Variants in CYP4X1 observed in about 807,000 individuals in gnomAD.
CYP4X1 encodes the protein cytochrome P450 4X1.
Under a neutral mutation model 57.9 loss-of-function variants are expected in CYP4X1, and 44 were observed. The ratio of observed to expected loss-of-function variants is 0.76; its 90% CI spans 0.60 to 0.98. CYP4X1 has a LOEUF of 0.98. Ranked by LOEUF, CYP4X1 falls within the 50% of genes least tolerant of loss-of-function variation. The pLI is 0.00. For missense variants in CYP4X1, 532 were observed against 623.9 expected, an observed-to-expected ratio of 0.85 and a Z score of 1.57; for synonymous variants, 227 against 228.6, an observed-to-expected ratio of 0.99 and a Z score of 0.06.
intron 8 of CYP4X1, chr1:47,039,740 AT>A (rs1429114903): frequency 2.7e-6 from 1 of 374,938 alleles, no homozygotes; most frequent in Non-Finnish European, 4.7e-6. Flanking sequence ...TTATCCATAA[AT>A]TGTCTGTCAT....
At chr1:47,042,863 G>A (rs1046961891) in intron 8 of CYP4X1, among the ~76,000 whole-genome samples, 3 of 152,096 alleles carry the variant, frequency 2.0e-5, no homozygotes. Context: ...TTGATTGATG[G>A]GCATTTGGAC....
the CYP4X1 span, among the ~76,000 whole-genome samples, chr1:46,990,340 C>T: frequency 2.0e-5 from 3 of 152,090 alleles, no homozygotes; most frequent in African/African-American, 7.2e-5. Context: ...CAAATCAAAA[C>T]CACAATGAGA....
chr1:47,000,241 T>C, the CYP4X1 span, among the ~76,000 whole-genome samples: 1 of 152,174 alleles, frequency 6.6e-6, no homozygotes, highest in Non-Finnish European at 1.5e-5. Flanking sequence ...GCGCTTTGAC[T>C]CTCCTTTGCC....
At chr1:47,033,392 T>C (rs2148508186) in intron 4 of CYP4X1, 24 bp downstream of exon 4, 1 of 1,612,962 alleles carries the variant, frequency 6.2e-7, no homozygotes, top group African/African-American at 1.3e-5. Context: ...GAAAGTGCTC[T>C]GTGCATTGCG....
intron 8 of CYP4X1, among the ~76,000 whole-genome samples, chr1:47,039,938 T>C (rs912215612): frequency 6.6e-6 from 1 of 152,146 alleles, no homozygotes; most frequent in African/African-American, 2.4e-5. Flanking sequence ...TTTAGACATC[T>C]CCCAGCCGCT....
intron 10 of CYP4X1, 74 bp from the exon 11 acceptor site, chr1:47,049,348 G>T: frequency 1.9e-6 from 2 of 1,037,222 alleles, no homozygotes; most frequent in Non-Finnish European, 1.5e-6. Flanking sequence ...TCTATTGATC[G>T]GTGCTAGGTG....
intron 1 of CYP4X1, among the ~76,000 whole-genome samples, chr1:47,024,552 C>T (rs1644041204): frequency 6.6e-6 from 1 of 152,096 alleles, no homozygotes; most frequent in South Asian, 2.1e-4. Context: ...TAAATCCACT[C>T]CCACCCCTAA....
At chr1:47,052,357 T>G (rs990288047), downstream of CYP4X1, among the ~76,000 whole-genome samples, 3 of 152,150 alleles carry the variant, frequency 2.0e-5, no homozygotes, top group African/African-American at 7.2e-5. Flanking sequence ...AGATAAATAT[T>G]CAATATACCT....
the CYP4X1 span, among the ~76,000 whole-genome samples, chr1:46,994,000 T>C: frequency 1.3e-5 from 2 of 152,254 alleles, no homozygotes; most frequent in Non-Finnish European, 2.9e-5. Flanking sequence ...CATGAAGTCC[T>C]TGCCCATGCC....
chr1:46,997,338 A>G, the CYP4X1 span, among the ~76,000 whole-genome samples: 1 of 152,176 alleles, frequency 6.6e-6, no homozygotes, highest in African/African-American at 2.4e-5. Context: ...TGAACATAGT[A>G]CCCAATAGGT....
At chr1:46,976,497 G>A in the CYP4X1 span, among the ~76,000 whole-genome samples, 1 of 152,172 alleles carries the variant, frequency 6.6e-6, no homozygotes. Context: ...GCCTGCCTCT[G>A]TAGACTCCAC....
At chr1:46,992,196 A>C in the CYP4X1 span, among the ~76,000 whole-genome samples, 1 of 152,220 alleles carries the variant, frequency 6.6e-6, no homozygotes, top group Non-Finnish European at 1.5e-5. Context: ...CACGCCTGTA[A>C]TCTCAGCTAC....
chr1:46,995,499 A>G, the CYP4X1 span, among the ~76,000 whole-genome samples: 1 of 152,030 alleles, frequency 6.6e-6, no homozygotes, highest in African/African-American at 2.4e-5. Flanking sequence ...GGGATGGGAC[A>G]TTTTATCTTC....
At chr1:47,000,710 T>C in the CYP4X1 span, among the ~76,000 whole-genome samples, 1 of 151,380 alleles carries the variant, frequency 6.6e-6, no homozygotes. Context: ...TGCAGTTGGG[T>C]AGGAGACAGG....
At chr1:47,008,816 C>G in the CYP4X1 span, among the ~76,000 whole-genome samples, 48,766 of 151,872 alleles carry the variant, frequency 0.32, 8,335 homozygotes, top group East Asian at 0.51. Context: ...AATCAAAAGA[C>G]ACAAAGAAGG....
the CYP4X1 span, among the ~76,000 whole-genome samples, chr1:46,972,569 C>T: frequency 2.6e-5 from 4 of 152,284 alleles, no homozygotes; most frequent in African/African-American, 9.6e-5. Flanking sequence ...TATCCATGAG[C>T]TTGGAATGTT....
chr1:47,008,554 A>G, the CYP4X1 span, among the ~76,000 whole-genome samples: 4 of 152,214 alleles, frequency 2.6e-5, no homozygotes, highest in Non-Finnish European at 5.9e-5. Flanking sequence ...TAATGACAGG[A>G]TCAAATTCAC....
At chr1:46,969,885 G>C in the CYP4X1 span, among the ~76,000 whole-genome samples, 3 of 152,236 alleles carry the variant, frequency 2.0e-5, no homozygotes, top group African/African-American at 7.2e-5. Context: ...AATGGAAATG[G>C]AGATGTAATT....
chr1:46,983,405 C>T, the CYP4X1 span, among the ~76,000 whole-genome samples: 1 of 152,208 alleles, frequency 6.6e-6, no homozygotes, highest in Non-Finnish European at 1.5e-5. Flanking sequence ...GTTAGAGTTG[C>T]CAGCAAAATG....
Sources: allele counts gnomAD v4.1 joint callset (sites outside exome capture counted in the v4.1 genomes callset), GRCh38; gene constraint gnomAD v4.1.1; transcripts MANE v1.5; gene names NCBI Gene and HGNC (gene_info 2026-07-23, HGNC 2026-07-21).